NIPBL: variants seen among roughly 807,000 people sequenced by gnomAD.
The protein encoded by NIPBL is nipped-B-like protein.
A neutral mutation model predicts 321.8 loss-of-function variants in NIPBL; 19 were observed. That is an observed-to-expected ratio of 0.06 (90% CI 0.04 to 0.09). The LOEUF is 0.09. Among genes scored for constraint, NIPBL ranks in the 10% least tolerant of loss-of-function variants. The probability of loss-of-function intolerance (pLI) is 1.00; values close to 1 mark genes in which losing one functional copy is unlikely to be tolerated. For missense variants in NIPBL, 2,210 were observed against 3,327.0 expected, an observed-to-expected ratio of 0.66 and a Z score of 8.26; for synonymous variants, 1,106 against 1,114.1, an observed-to-expected ratio of 0.99 and a Z score of 0.14.
At chr5:36,906,762 A>ATTGG (rs1747670723) in intron 1 of NIPBL, among the ~76,000 whole-genome samples, 1 of 152,214 alleles carries the variant, frequency 6.6e-6, no homozygotes, top group African/African-American at 2.4e-5. Flanking sequence ...AAATCTGAAT[A>ATTGG]TTGGAGAAAA....
intron 42 of NIPBL, among the ~76,000 whole-genome samples, chr5:37,056,856 T>A (rs1754139679): frequency 6.6e-6 from 1 of 152,146 alleles, no homozygotes; most frequent in Non-Finnish European, 1.5e-5. Flanking sequence ...ATAAAAAATT[T>A]CACCTCTTCT....
intron 1 of NIPBL, among the ~76,000 whole-genome samples, chr5:36,918,050 A>G (rs535083104): frequency 1.1e-3 from 165 of 152,236 alleles, no homozygotes; most frequent in Non-Finnish European, 1.6e-3. Flanking sequence ...GTTTTTTCCA[A>G]TTCTGTGAAG....
At chr5:36,977,946 C>T (rs1743685012) in intron 9 of NIPBL, among the ~76,000 whole-genome samples, 1 of 151,894 alleles carries the variant, frequency 6.6e-6, no homozygotes, top group African/African-American at 2.4e-5. Context: ...TGATTTCATT[C>T]TTCTTTATGA....
intron 1 of NIPBL, among the ~76,000 whole-genome samples, chr5:36,920,221 A>G (rs1748826212): frequency 6.6e-6 from 1 of 152,218 alleles, no homozygotes; most frequent in Non-Finnish European, 1.5e-5. Context: ...ATTGATGATG[A>G]CAGAACTTGT....
rs1741184137 is a variant in NIPBL, at chr5:36,958,117, A to G, written c.244A>G (p.Asn82Asp). ...VSTDHIELKDNLGSDDPEGDI... is the reference protein window; with the variant it reads ...VSTDHIELKDDLGSDDPEGDI... ...TCTCAATGCCAGAGAGTTGAAAGATAACCTTGGCAGTGATGACCCAGAAGG... is the reference window on the plus strand; with the variant it reads ...TCTCAATGCCAGAGAGTTGAAAGATGACCTTGGCAGTGATGACCCAGAAGG... Residue 82 changes from asparagine (N) to aspartate (D), a missense_variant, in exon 4 of 47, where the codon AAC becomes GAC. Transcript: ENST00000282516. 6.2e-7 allele frequency: 1 copy of G among 1,613,908 alleles called. No homozygotes were observed. The highest frequency in any genetic ancestry group is 8.5e-7 in the Non-Finnish European group (1 of 1,179,936).
At chr5:36,947,374 G>A (rs1334661055) in intron 1 of NIPBL, among the ~76,000 whole-genome samples, 1 of 151,938 alleles carries the variant, frequency 6.6e-6, no homozygotes, top group Admixed American at 6.6e-5. Flanking sequence ...TATTCTAACA[G>A]AACTTTCTGC....
intron 1 of NIPBL, chr5:36,886,351 C>G (rs1745905505): frequency 1.4e-6 from 1 of 708,336 alleles, no homozygotes. Flanking sequence ...CTGCCACCGC[C>G]TGCTTGAAGA....
At chr5:36,939,801 C>CAGA (rs1304407281) in intron 1 of NIPBL, among the ~76,000 whole-genome samples, 2 of 152,132 alleles carry the variant, frequency 1.3e-5, no homozygotes, top group Non-Finnish European at 2.9e-5. Context: ...GGACAGAACT[C>CAGA]TTCTTTTTAT....
chr5:37,016,972 A>T, intron 23 of NIPBL, 47 bp from the exon 24 acceptor site: 2 of 1,256,172 alleles, frequency 1.6e-6, no homozygotes, highest in Non-Finnish European at 2.2e-6. Context: ...GCTATTTAAA[A>T]TATATTGTTA....
intron 1 of NIPBL, among the ~76,000 whole-genome samples, chr5:36,922,129 C>G (rs1484674380): frequency 7.2e-5 from 11 of 152,036 alleles, no homozygotes; most frequent in Non-Finnish European, 7.4e-5. Context: ...CTCAGGCGAT[C>G]TGCCCGCCTC....
At chr5:36,969,154 AG>A (rs1742576298) in intron 6 of NIPBL, among the ~76,000 whole-genome samples, 1 of 152,324 alleles carries the variant, frequency 6.6e-6, no homozygotes, top group South Asian at 2.1e-4. Context: ...TGAAAGAGAT[AG>A]AAGAAAAGAA....
chr5:37,023,794 A>T (rs1749943995), intron 29 of NIPBL, among the ~76,000 whole-genome samples: 1 of 120,250 alleles, frequency 8.3e-6, no homozygotes, highest in Non-Finnish European at 1.6e-5. Flanking sequence ...TATGACATTG[A>T]CGGATTAAAA....
At chr5:36,883,565 A>C (rs1035288533) in intron 1 of NIPBL, among the ~76,000 whole-genome samples, 1 of 143,664 alleles carries the variant, frequency 7.0e-6, no homozygotes, top group Non-Finnish European at 1.5e-5. Context: ...ACTAATTATT[A>C]AATTCTGACT....
intron 1 of NIPBL, among the ~76,000 whole-genome samples, chr5:36,931,797 T>TG (rs1749797279): frequency 6.7e-6 from 1 of 150,010 alleles, no homozygotes; most frequent in Non-Finnish European, 1.5e-5. Context: ...TTTTTTTTTT[T>TG]TTGTTTATTT....
Position 37,036,363 on chromosome 5 carries a change from A to ATATATATATATG in NIPBL, c.5863-11_5863-10insATATATGTATAT, listed in dbSNP as rs1554029663. 27 of 575,928 alleles carry ATATATATATATG rather than the reference A, an allele frequency of 4.7e-5. No individual in the cohort carries two copies. The African/African-American group carries it at 5.1e-4, about 11-fold the overall frequency. 35.7% of individuals were successfully genotyped at this position (575,928 alleles called of 1,614,324 possible). ...TATATATATGTATATATATATATAT[A>ATATATATATATG]TATATGTATATATAGTTGTTGAAGT... On this transcript the variant is annotated splice_polypyrimidine_tract_variant and intron_variant, in intron 32 of 46. Transcript: ENST00000282516.
intron 1 of NIPBL, among the ~76,000 whole-genome samples, chr5:36,943,166 G>A (rs293774): frequency 0.14 from 21,015 of 152,030 alleles, 1,810 homozygotes; most frequent in East Asian, 0.31. Flanking sequence ...GTACAAAAAA[G>A]ATCCCAGAAT....
At position 37,057,124 on chromosome 5, in the gene NIPBL, G is replaced by A. The variant is rs80358385; in HGVS notation, c.7264-62G>A. ...GTGCCCTGTATTTTTTCTAAAAAAG[G>A]TTTTTTGGTTGGGTTTCTAGATTAT... is the stretch of plus-strand genomic sequence containing the variant. On this transcript the variant is annotated intron_variant, in intron 42 of 46. Transcript: ENST00000282516. 3.1e-3 allele frequency: 4,964 copies of A among 1,585,474 alleles called. 25 individuals carry two copies. Among genetic ancestry groups the A allele is most frequent in the Middle Eastern group, 0.019 (113 of 5,822 alleles).
At chr5:36,912,564 C>G (rs1580210359) in intron 1 of NIPBL, among the ~76,000 whole-genome samples, 1 of 149,612 alleles carries the variant, frequency 6.7e-6, no homozygotes, top group Admixed American at 6.7e-5. Flanking sequence ...GCAGTGGCAG[C>G]AATCTTGGCT....
rs200948875 is a variant in NIPBL, at chr5:36,946,877, C to CT, written c.-79-6735dup. Among the ~76,000 whole-genome samples, 1,092 of 152,116 alleles carry CT rather than the reference C, an allele frequency of 7.2e-3. 17 individuals are homozygous for CT. Among genetic ancestry groups the CT allele is most frequent in the African/African-American group, 0.025 (1,042 of 41,516 alleles). ...CTTTTACTGTTTGCTGTAGGTTTAT[C>CT]TTTTTTCCATAGCAGTGTAGATGTT... On this transcript the variant is annotated intron_variant, in intron 1 of 46. Transcript: ENST00000282516.
Sources: allele counts gnomAD v4.1 joint callset (sites outside exome capture counted in the v4.1 genomes callset), GRCh38; gene constraint gnomAD v4.1.1; transcripts MANE v1.5; gene names NCBI Gene and HGNC (gene_info 2026-07-23, HGNC 2026-07-21).